ARID4B: variants seen among roughly 807,000 people sequenced by gnomAD.
The protein encoded by ARID4B is AT-rich interaction domain 4B.
Under a neutral mutation model 147.5 loss-of-function variants are expected in ARID4B, and 26 were observed. The observed-to-expected ratio is 0.18, with a 90% CI of 0.13 to 0.24. The LOEUF (loss-of-function observed/expected upper bound fraction) is 0.24. Ranked by LOEUF, ARID4B falls within the 10% of genes least tolerant of loss-of-function variation. ARID4B has a pLI of 1.00. For missense variants in ARID4B, 1,179 were observed against 1,511.5 expected (o/e 0.78, Z 3.65); for synonymous variants, 512 against 507.9 (o/e 1.01, Z -0.11).
At chr1:235,238,481 G>C (rs1668767379) in intron 8 of ARID4B, among the ~76,000 whole-genome samples, 1 of 152,116 alleles carries the variant, frequency 6.6e-6, no homozygotes, top group Admixed American at 6.5e-5. Context: ...CGTGAGAATA[G>C]TACTTTCAAA....
intron 8 of ARID4B, among the ~76,000 whole-genome samples, chr1:235,236,834 ATATAT>A (rs1450007022): frequency 4.7e-5 from 1 of 21,160 alleles, no homozygotes; most frequent in African/African-American, 1.9e-4. Flanking sequence ...TTTATAAAAA[ATATAT>A]ATATATATAT....
intron 2 of ARID4B, among the ~76,000 whole-genome samples, chr1:235,268,142 G>A (rs529056079): frequency 6.6e-6 from 1 of 152,274 alleles, no homozygotes; most frequent in East Asian, 1.9e-4. Context: ...AATAGGGACA[G>A]AGGAGATAAG....
chr1:235,316,838 CAAGATACAG>C (rs551521328), intron 2 of ARID4B, among the ~76,000 whole-genome samples: 1 of 151,718 alleles, frequency 6.6e-6, no homozygotes, highest in Non-Finnish European at 1.5e-5. Flanking sequence ...AACAAAAAAA[CAAGATACAG>C]ATATACATAT....
At chr1:235,220,227 T>A in intron 15 of ARID4B, 75 bp downstream of exon 15, 1 of 1,325,646 alleles carries the variant, frequency 7.5e-7, no homozygotes, top group South Asian at 1.6e-5. Context: ...TACAATATAT[T>A]GATTTTGGAA....
chr1:235,240,968 T>C (rs1668945495), intron 7 of ARID4B, among the ~76,000 whole-genome samples: 1 of 152,188 alleles, frequency 6.6e-6, no homozygotes, highest in Non-Finnish European at 1.5e-5. Context: ...TAGGTATTCA[T>C]AAAATGTCCA....
In ARID4B at chr1:235,219,955, T is replaced by C; in HGVS notation, c.1421A>G (p.Asn474Ser). ...ATGTGTAGGTATAGATTCTAATAAA[T>C]TCTTTTTACTTCCCTAGAAAAAGAT... ...NIKPSLGSKKNLLESIPTHSD... is the reference protein window; with the variant it reads ...NIKPSLGSKKSLLESIPTHSD... Residue 474 changes from asparagine to serine, a missense_variant, in exon 16 of 24, where the codon AAT becomes AGT. This residue lies in a region of ARID4B where 204 missense variants were observed against 210.9 expected (regional missense o/e 0.97). Coordinates refer to ENST00000264183, the MANE Select transcript of ARID4B (RefSeq NM_016374.6). 6.5e-7 allele frequency: 1 copy of C among 1,539,700 alleles called. No individual in the cohort carries two copies. Among genetic ancestry groups the C allele is most frequent in the South Asian group, 1.2e-5 (1 of 80,954 alleles).
rs144530119 is a variant in ARID4B at position 235,239,220 on chromosome 1, C to T, written c.585+1093G>A. 7.7e-3 allele frequency among the ~76,000 whole-genome samples: 1,175 copies of T among 152,182 alleles called. 16 individuals carry two copies. The highest frequency in any genetic ancestry group is 0.027 in the African/African-American group (1,133 of 41,522). Reference sequence around the variant, plus strand: ...CTCCTGACCTCAGGGGATTTGCCCACCTCGGCCTCCCAAAGTGCTAGGATT... The same window carrying T: ...CTCCTGACCTCAGGGGATTTGCCCATCTCGGCCTCCCAAAGTGCTAGGATT... On this transcript the variant is annotated intron_variant, in intron 8 of 23. Transcript: ENST00000264183.
At chr1:235,233,569 C>A (rs1034725106) in intron 9 of ARID4B, among the ~76,000 whole-genome samples, 2 of 152,180 alleles carry the variant, frequency 1.3e-5, no homozygotes, top group African/African-American at 4.8e-5. Flanking sequence ...TATAAAATAT[C>A]TGGCTTCTCT....
intron 2 of ARID4B, among the ~76,000 whole-genome samples, chr1:235,318,294 G>C (rs1211404941): frequency 6.8e-6 from 1 of 147,256 alleles, no homozygotes; most frequent in East Asian, 2.0e-4. Context: ...CTCTGCCTCA[G>C]CCTCCTGAGT....
At chr1:235,227,048 TAG>T (rs772396833) in intron 11 of ARID4B, among the ~76,000 whole-genome samples, 11 of 152,122 alleles carry the variant, frequency 7.2e-5, no homozygotes, top group Non-Finnish European at 1.5e-4. Context: ...GGTTTCTCTT[TAG>T]AGAGATGGCA....
intron 21 of ARID4B, 29 bp from the exon 22 acceptor site, chr1:235,175,428 C>A: frequency 6.5e-7 from 1 of 1,535,836 alleles, no homozygotes; most frequent in South Asian, 1.2e-5. Context: ...ATTTAATAAA[C>A]AAAAATGTAA....
intron 11 of ARID4B, chr1:235,228,985 G>T: frequency 2.5e-6 from 1 of 405,818 alleles, no homozygotes; most frequent in South Asian, 3.2e-5. Flanking sequence ...AAAAAGCATA[G>T]GAAGACTAAG....
chr1:235,203,967 CAATT>C (rs1558198069), intron 17 of ARID4B, among the ~76,000 whole-genome samples: 2 of 152,196 alleles, frequency 1.3e-5, no homozygotes, highest in African/African-American at 4.8e-5. Context: ...CAACTGATCA[CAATT>C]AATACTTTTA....
intron 2 of ARID4B, among the ~76,000 whole-genome samples, chr1:235,305,161 T>G (rs190152107): frequency 1.5e-3 from 224 of 152,234 alleles, no homozygotes; most frequent in Admixed American, 2.5e-3. Context: ...GCAGGAGAGA[T>G]AGTGTCAGAG....
At chr1:235,200,837 T>G (rs993004630) in intron 17 of ARID4B, among the ~76,000 whole-genome samples, 1 of 152,158 alleles carries the variant, frequency 6.6e-6, no homozygotes, top group Non-Finnish European at 1.5e-5. Context: ...TTCACATATC[T>G]TGAATTTCAT....
intron 6 of ARID4B, among the ~76,000 whole-genome samples, chr1:235,246,950 T>C (rs1445622249): frequency 6.6e-6 from 1 of 152,196 alleles, no homozygotes; most frequent in African/African-American, 2.4e-5. Flanking sequence ...AAATTAATTA[T>C]GAAGATAAAG....
At chr1:235,171,228 G>A (rs931496096) in intron 23 of ARID4B, among the ~76,000 whole-genome samples, 4 of 151,932 alleles carry the variant, frequency 2.6e-5, no homozygotes, top group South Asian at 2.1e-4. Context: ...TCAAGAGATC[G>A]AGCCATCCTG....
At chr1:235,219,664 T>A in intron 16 of ARID4B, 129 bp downstream of exon 16, 1 of 708,168 alleles carries the variant, frequency 1.4e-6, no homozygotes, top group Non-Finnish European at 2.2e-6. Flanking sequence ...ATTTAATTAA[T>A]AAATGCCAAT....
chr1:235,293,664 A>C (rs549980771), intron 2 of ARID4B, among the ~76,000 whole-genome samples: 6 of 147,836 alleles, frequency 4.1e-5, no homozygotes, highest in African/African-American at 1.5e-4. Context: ...AAAAAAAAAA[A>C]TGATGAAAGA....
Sources: allele counts gnomAD v4.1 joint callset (sites outside exome capture counted in the v4.1 genomes callset), GRCh38; gene constraint gnomAD v4.1.1; regional missense constraint gnomAD v4.1.1; transcripts MANE v1.5; gene names NCBI Gene and HGNC (gene_info 2026-07-23, HGNC 2026-07-21).